Variants in TXLNA observed in about 807,000 individuals in gnomAD.
TXLNA encodes taxilin alpha.
Under a neutral mutation model 61.4 loss-of-function variants are expected in TXLNA, and 9 were observed. That is an observed-to-expected ratio of 0.15 (90% CI 0.09 to 0.26). TXLNA has a LOEUF of 0.26. Ranked by LOEUF, TXLNA falls within the 10% of genes least tolerant of loss-of-function variation. TXLNA has a pLI of 1.00. For synonymous variants in TXLNA, 257 were observed against 267.7 expected, an observed-to-expected ratio of 0.96 and a Z score of 0.39; for missense variants, 565 against 688.8, an observed-to-expected ratio of 0.82 and a Z score of 2.01.
intron 6 of TXLNA, among the ~76,000 whole-genome samples, chr1:32,191,690 C>G (rs572385484): frequency 6.6e-6 from 1 of 152,332 alleles, no homozygotes; most frequent in South Asian, 2.1e-4. Context: ...CTGGACTTAC[C>G]TGCTAGGCAC....
rs370967385 is a variant in TXLNA at position 32,188,107 on chromosome 1, C to T, written c.751C>T (p.His251Tyr). 2.6e-6 allele frequency: 4 copies of T among 1,564,118 alleles called. No individual in the cohort carries two copies. Among genetic ancestry groups the T allele is most frequent in the Non-Finnish European group, 8.7e-7 (1 of 1,153,286 alleles). Residue 251 changes from histidine (H) to tyrosine (Y), a missense_variant, in exon 5 of 11, where the codon CAC (histidine) becomes TAC (tyrosine). Around this residue, in one of 2 missense-constraint regions of TXLNA, gnomAD observed 373 missense variants for 504.0 expected, o/e 0.74. Coordinates refer to ENST00000373610, the MANE Select transcript of TXLNA (RefSeq NM_175852.4). ...LESLCRELQR[H>Y]NRSLKEEGVQ... ...GAGCCTATGCCGTGAGCTGCAGCGG[C>T]ACAACCGCTCCCTCAAGGTAGGCCT...
intron 2 of TXLNA, 92 bp downstream of exon 2, chr1:32,180,606 G>A (rs1177237147): frequency 7.6e-6 from 11 of 1,443,854 alleles, no homozygotes; most frequent in African/African-American, 5.7e-5. Flanking sequence ...CAGGTTGTCC[G>A]GGAGGAGGAG....
chr1:32,193,688 G>A lies in TXLNA; in HGVS notation c.1252-377G>A, dbSNP rs910669640. On this transcript the variant is annotated intron_variant, in intron 9 of 10. Coordinates refer to ENST00000373610, the MANE Select transcript of TXLNA (RefSeq NM_175852.4). Reference sequence around the variant, plus strand: ...CCTGACTAGCTGGAATTACAGGCGCGTGCCACCATGCCTGGCTAATTTTTT... The same window carrying A: ...CCTGACTAGCTGGAATTACAGGCGCATGCCACCATGCCTGGCTAATTTTTT... Among the ~76,000 whole-genome samples, 10 of 151,936 alleles carry A rather than the reference G, an allele frequency of 6.6e-5. No individual in the cohort carries two copies. The East Asian group carries it at 9.6e-4, about 15-fold the overall frequency.
intron 6 of TXLNA, 74 bp downstream of exon 6, chr1:32,190,323 T>C: frequency 1.4e-6 from 2 of 1,402,192 alleles, no homozygotes; most frequent in Non-Finnish European, 1.9e-6. Flanking sequence ...ACTGGGACAG[T>C]ACCTTTTCAG....
chr1:32,195,123 C>T lies in TXLNA; in HGVS notation c.1569C>T (p.Cys523=), dbSNP rs149596749. 7.4e-6 allele frequency: 12 copies of T among 1,614,050 alleles called. No homozygotes were observed. In the East Asian group the frequency reaches 2.5e-4, roughly 33 times the overall value. The change falls in exon 11 of 11, where the codon TGC becomes TGT. Residue 523 remains cysteine, a synonymous_variant. Transcript: ENST00000373610. Reference sequence around the variant, plus strand: ...CCCCCAGGGTCACAGAAGCGCCTTGCTACCCAGGAGCACCGAGCACAGAAG... The same window carrying T: ...CCCCCAGGGTCACAGAAGCGCCTTGTTACCCAGGAGCACCGAGCACAGAAG... ...PSSPRVTEAP[C]YPGAPSTEAS... is the part of the protein sequence containing the mutation.
chr1:32,195,236 C>T lies in TXLNA; in HGVS notation c.*41C>T. ...GTCATGCTGGGAAGGGAGCGGCAGC[C>T]CAGCCAGGCCTGGCCCATAAAAGGC... On this transcript the variant is annotated 3_prime_UTR_variant, in exon 11 of 11. Transcript: ENST00000373610. 6.6e-7 allele frequency: 1 copy of T among 1,525,308 alleles called. No individual in the cohort carries two copies. The allele number at this position is 1,525,308 out of a possible 1,614,324, so 94.5% of individuals were successfully genotyped here.
Position 32,192,540 on chromosome 1 carries a change from T to C in TXLNA, c.1083+110T>C. On this transcript the variant is annotated intron_variant, in intron 7 of 10. Transcript: ENST00000373610. This position sits in a 1 kb window ranked among gnomAD's most constrained non-coding sequence, Gnocchi z 4.2. ...GAAGTCTGGCCAGACCAGGCACAGA[T>C]TCCTTGAGTACCAGTCTGAGAGCAG... 6.3e-7 allele frequency: 1 copy of C among 1,588,248 alleles called. No individual in the cohort carries two copies. The highest frequency in any genetic ancestry group is 8.6e-7 in the Non-Finnish European group (1 of 1,161,364).
intron 1 of TXLNA, chr1:32,179,977 A>AGGGGCG (rs1217153429): frequency 6.5e-6 from 1 of 154,298 alleles, no homozygotes; most frequent in Non-Finnish European, 1.4e-5. Flanking sequence ...GTGGGGCCTG[A>AGGGGCG]GGGGCGGGGG....
In TXLNA at chr1:32,197,957, C is replaced by T. The variant is rs1179294269; in HGVS notation, c.*2762C>T. On this transcript the variant is annotated 3_prime_UTR_variant, in exon 11 of 11. Coordinates refer to ENST00000373610, the MANE Select transcript of TXLNA (RefSeq NM_175852.4). This position sits in a 1 kb window ranked among gnomAD's most constrained non-coding sequence, Gnocchi z 4.6. Reference sequence around the variant, plus strand: ...CCATCACGGTGGCCCTGAGGGCTGACCCGGAGGCCAGTGGAGCTGCCTGGT... The same window carrying T: ...CCATCACGGTGGCCCTGAGGGCTGATCCGGAGGCCAGTGGAGCTGCCTGGT... 1 of 152,364 alleles carries T rather than the reference C, an allele frequency of 6.6e-6. No individual in the cohort carries two copies. Among genetic ancestry groups the T allele is most frequent in the Non-Finnish European group, 1.5e-5 (1 of 68,140 alleles). 9.4% of individuals were successfully genotyped at this position (152,364 alleles called of 1,614,324 possible). A position where few individuals can be genotyped will look rare whatever the true frequency, so the allele number is the denominator to read the frequency against.
At position 32,197,478 on chromosome 1, in the gene TXLNA, C is replaced by T. The variant is rs181350424; in HGVS notation, c.*2283C>T. ...CAGGCCAGTCTGCAGATGAGGTTCC[C>T]TACCTTTTTCTTCTCTTCATTGACC... On this transcript the variant is annotated 3_prime_UTR_variant, in exon 11 of 11. Transcript: ENST00000373610. This position sits in a 1 kb window ranked among gnomAD's most constrained non-coding sequence, Gnocchi z 4.6. 143 of 152,428 alleles carry T rather than the reference C, an allele frequency of 9.4e-4. No individual in the cohort carries two copies. The highest frequency in any genetic ancestry group is 1.9e-3 in the Non-Finnish European group (126 of 68,084). 9.4% of individuals were successfully genotyped at this position (152,428 alleles called of 1,614,324 possible). A position where few individuals can be genotyped will look rare whatever the true frequency, so the allele number is the denominator to read the frequency against.
Position 32,192,214 on chromosome 1 carries a change from T to A in TXLNA, c.964-97T>A. 1 of 1,535,340 alleles carries A rather than the reference T, an allele frequency of 6.5e-7. No homozygotes were observed. Among genetic ancestry groups the A allele is most frequent in the Non-Finnish European group, 8.8e-7 (1 of 1,130,146 alleles). Reference sequence around the variant, plus strand: ...GGGAGTCCATCATATCAGATTGAGATGGGGGGCTGGGCAAAGTGCCCTGGT... The same window carrying A: ...GGGAGTCCATCATATCAGATTGAGAAGGGGGGCTGGGCAAAGTGCCCTGGT... On this transcript the variant is annotated intron_variant, in intron 6 of 10. Coordinates refer to ENST00000373610, the MANE Select transcript of TXLNA (RefSeq NM_175852.4). This position sits in a 1 kb window ranked among gnomAD's most constrained non-coding sequence, Gnocchi z 4.2.
rs1051012390 is a variant in TXLNA, at chr1:32,183,418, C to G, written c.506-1107C>G. Among the ~76,000 whole-genome samples the G allele has an allele frequency of 2.7e-5, 4 of 145,952 alleles. No individual in the cohort carries two copies. In the Admixed American group the frequency reaches 2.7e-4, roughly 10 times the overall value. On this transcript the variant is annotated intron_variant, in intron 3 of 10. Coordinates refer to ENST00000373610, the MANE Select transcript of TXLNA (RefSeq NM_175852.4). ...GGATTACAGGCGTGGGCCACCGTACCCTGCCTTTTTTTTTTTTTTTTTTTT... is the reference window on the plus strand; with the variant it reads ...GGATTACAGGCGTGGGCCACCGTACGCTGCCTTTTTTTTTTTTTTTTTTTT...
intron 1 of TXLNA, chr1:32,180,090 A>T (rs1369735124): frequency 7.9e-6 from 3 of 379,182 alleles, no homozygotes; most frequent in Non-Finnish European, 1.4e-5. Context: ...TCCAGGGAGA[A>T]GAGGCCTCTT....
At chr1:32,182,956 A>G (rs184794754) in intron 3 of TXLNA, among the ~76,000 whole-genome samples, 1 of 151,250 alleles carries the variant, frequency 6.6e-6, no homozygotes, top group African/African-American at 2.4e-5. Context: ...AATCCCAGAT[A>G]CTCGGGAGGC....
intron 5 of TXLNA, among the ~76,000 whole-genome samples, chr1:32,188,700 A>T (rs1642841423): frequency 6.6e-6 from 1 of 152,134 alleles, no homozygotes; most frequent in Non-Finnish European, 1.5e-5. Flanking sequence ...ATAATGCCTT[A>T]CGTTAAGAGA....
Position 32,192,352 on chromosome 1 carries a change from G to C in TXLNA, c.1005G>C (p.Gln335His). Reference protein sequence around the residue: ...KVFKHKDLQQQLVDAKLQQAQ... With the variant: ...KVFKHKDLQQHLVDAKLQQAQ... ...TCAAACACAAGGACCTACAACAGCAGCTGGTGGATGCCAAGCTCCAGCAGG... is the reference window on the plus strand; with the variant it reads ...TCAAACACAAGGACCTACAACAGCACCTGGTGGATGCCAAGCTCCAGCAGG... The change falls in exon 7 of 11, where the codon CAG (glutamine) becomes CAC (histidine). Residue 335 changes from glutamine (Q) to histidine (H), a missense_variant. By Grantham distance (24) the Gln-to-His change is conservative. This residue lies in a region of TXLNA where 373 missense variants were observed against 504.0 expected (regional missense o/e 0.74). Transcript: ENST00000373610. The surrounding 1 kb of genome is among the most constrained non-coding windows in gnomAD (Gnocchi z 4.2). 2 of 1,614,238 alleles carry C rather than the reference G, an allele frequency of 1.2e-6. No individual in the cohort carries two copies. The highest frequency in any genetic ancestry group is 1.7e-6 in the Non-Finnish European group (2 of 1,180,030).
chr1:32,193,369 C>G (rs1642947886), intron 9 of TXLNA, 69 bp downstream of exon 9: 2 of 1,231,994 alleles, frequency 1.6e-6, no homozygotes, highest in African/African-American at 3.0e-5. Context: ...GTTGGGCCTG[C>G]CTTCAGGAAG....
chr1:32,190,750 T>A (rs114458768), intron 6 of TXLNA, among the ~76,000 whole-genome samples: 3,809 of 152,252 alleles, frequency 0.025, 50 homozygotes, highest in Non-Finnish European at 0.031. Context: ...AGTGATGGAC[T>A]CCAGAGACTG....
chr1:32,189,216 A>G (rs1421567422), intron 5 of TXLNA, among the ~76,000 whole-genome samples: 3 of 152,266 alleles, frequency 2.0e-5, no homozygotes, highest in African/African-American at 7.2e-5. Context: ...GGTCAGTTAT[A>G]TAGAACTTAT....
Sources: allele counts gnomAD v4.1 joint callset (sites outside exome capture counted in the v4.1 genomes callset), GRCh38; gene constraint gnomAD v4.1.1; regional missense constraint gnomAD v4.1.1; non-coding constraint Gnocchi (gnomAD v3.1); transcripts MANE v1.5; gene names NCBI Gene and HGNC (gene_info 2026-07-23, HGNC 2026-07-21).